Variants in CDH2 observed in about 807,000 individuals in gnomAD.
CDH2 encodes the protein cadherin-2.
Under a neutral mutation model 92.0 loss-of-function variants are expected in CDH2, and 17 were observed. The observed-to-expected ratio is 0.18, with a 90% confidence interval of 0.13 to 0.28. The LOEUF (loss-of-function observed/expected upper bound fraction) is 0.28. CDH2 is among the 10% of genes least tolerant of loss of function. The probability of loss-of-function intolerance (pLI) is 1.00; values close to 1 mark genes in which losing one functional copy is unlikely to be tolerated. For missense variants in CDH2, 862 were observed against 1,133.1 expected (o/e 0.76, Z 3.44); for synonymous variants, 419 against 415.9 (o/e 1.01, Z -0.09).
chr18:28,172,145 A>G (rs1335553704), intron 1 of CDH2, among the ~76,000 whole-genome samples: 1 of 151,956 alleles, frequency 6.6e-6, no homozygotes, highest in African/African-American at 2.4e-5. Context: ...CTGTAAGTAC[A>G]GTTGGAAGCA....
chr18:28,002,856 CA>C, intron 7 of CDH2, 140 bp downstream of exon 7: 1 of 769,256 alleles, frequency 1.3e-6, no homozygotes, highest in East Asian at 2.6e-5. Flanking sequence ...GAAAAATATA[CA>C]ACAGATTACT....
chr18:28,086,236 T>G (rs956905210), intron 2 of CDH2, among the ~76,000 whole-genome samples: 4 of 152,198 alleles, frequency 2.6e-5, no homozygotes, highest in Admixed American at 6.5e-5. Flanking sequence ...TATACTATTT[T>G]ATTATCCTAA....
chr18:28,062,510 T>G (rs2014422884), intron 2 of CDH2, among the ~76,000 whole-genome samples: 1 of 152,204 alleles, frequency 6.6e-6, no homozygotes, highest in South Asian at 2.1e-4. Flanking sequence ...AAAACTATTT[T>G]TATAACAGCC....
At chr18:28,079,111 C>T (rs568602492) in intron 2 of CDH2, among the ~76,000 whole-genome samples, 114 of 152,276 alleles carry the variant, frequency 7.5e-4, no homozygotes, top group African/African-American at 2.6e-3. Flanking sequence ...AATCGTCTAA[C>T]ATTTAGCCAT....
At chr18:28,094,201 T>C (rs914866390) in intron 2 of CDH2, among the ~76,000 whole-genome samples, 5 of 152,146 alleles carry the variant, frequency 3.3e-5, no homozygotes, top group African/African-American at 4.8e-5. Context: ...AAAGAGATGA[T>C]TGTGGCCAGG....
intron 2 of CDH2, among the ~76,000 whole-genome samples, chr18:28,138,912 G>C (rs1371186181): frequency 1.3e-5 from 2 of 152,032 alleles, no homozygotes; most frequent in Non-Finnish European, 2.9e-5. Flanking sequence ...GTAAGAGAGT[G>C]ATCTCCTCCT....
intron 1 of CDH2, among the ~76,000 whole-genome samples, chr18:28,176,386 G>C (rs1385492928): frequency 1.3e-5 from 2 of 152,052 alleles, no homozygotes; most frequent in African/African-American, 4.8e-5. Context: ...AGAATATTGT[G>C]AGGGCAAGAG....
At chr18:28,010,479 A>C (rs568493979) in intron 4 of CDH2, among the ~76,000 whole-genome samples, 1 of 152,162 alleles carries the variant, frequency 6.6e-6, no homozygotes, top group South Asian at 2.1e-4. Context: ...TTATGCTCGC[A>C]AACATTATAT....
intron 1 of CDH2, among the ~76,000 whole-genome samples, chr18:28,161,388 G>A (rs2016304234): frequency 6.6e-6 from 1 of 151,956 alleles, no homozygotes; most frequent in Non-Finnish European, 1.5e-5. Context: ...AGACCAGCCT[G>A]GCCAACACAG....
intron 2 of CDH2, among the ~76,000 whole-genome samples, chr18:28,047,868 C>CAAAAAAAAA (rs149752979): frequency 6.4e-5 from 3 of 46,950 alleles, no homozygotes; most frequent in African/African-American, 9.1e-5. Context: ...GACTCCATCT[C>CAAAAAAAAA]AAAAAAAAAA....
At chr18:28,043,498 A>T (rs1275982888) in intron 2 of CDH2, among the ~76,000 whole-genome samples, 1 of 85,902 alleles carries the variant, frequency 1.2e-5, no homozygotes, top group African/African-American at 3.8e-5. Context: ...ATATATAAAT[A>T]TATATATATA....
chr18:27,998,090 G>A (rs1363550498), intron 7 of CDH2, among the ~76,000 whole-genome samples: 5 of 152,170 alleles, frequency 3.3e-5, no homozygotes, highest in Non-Finnish European at 7.3e-5. Context: ...ACAGGTGTGA[G>A]CCACCACTCC....
At chr18:28,088,136 A>T (rs1292886208) in intron 2 of CDH2, among the ~76,000 whole-genome samples, 1 of 152,242 alleles carries the variant, frequency 6.6e-6, no homozygotes, top group Non-Finnish European at 1.5e-5. Context: ...AATGGGTGAG[A>T]AGCAACTAAT....
chr18:28,123,051 A>C (rs2015618648), intron 2 of CDH2, among the ~76,000 whole-genome samples: 1 of 152,078 alleles, frequency 6.6e-6, no homozygotes, highest in South Asian at 2.1e-4. Context: ...TTTTTATATA[A>C]GAGATCAATT....
chr18:28,056,323 T>C (rs553722012), intron 2 of CDH2, among the ~76,000 whole-genome samples: 2 of 152,256 alleles, frequency 1.3e-5, no homozygotes. Context: ...AAACTAGAAC[T>C]TGGTCCTTTC....
At chr18:28,159,113 T>C (rs1273204546) in intron 1 of CDH2, 1 of 152,224 alleles carries the variant, frequency 6.6e-6, no homozygotes, top group Non-Finnish European at 1.5e-5. Context: ...GTTTGTAAAG[T>C]GTTATGTTAA....
chr18:27,992,187 T>C (rs1358155302), intron 9 of CDH2, among the ~76,000 whole-genome samples: 4 of 152,200 alleles, frequency 2.6e-5, no homozygotes, highest in South Asian at 2.1e-4. Context: ...AATATTCTAA[T>C]AGCTGTAGAC....
Position 28,029,679 on chromosome 18 carries a change from T to C in CDH2, c.173-15770A>G, listed in dbSNP as rs376304194. ...CCAAAGTGAACAGGATTAATTGCCATACACTGTAACAGGATGGCCATCTCA... is the reference window on the plus strand; with the variant it reads ...CCAAAGTGAACAGGATTAATTGCCACACACTGTAACAGGATGGCCATCTCA... On this transcript the variant is annotated intron_variant, in intron 2 of 15. Coordinates refer to ENST00000269141, the MANE Select transcript of CDH2 (RefSeq NM_001792.5). Among the ~76,000 whole-genome samples, 10 of 152,252 alleles carry C rather than the reference T, an allele frequency of 6.6e-5. No homozygotes were observed. The East Asian group carries it at 1.5e-3, about 24-fold the overall frequency.
chr18:28,060,553 A>G (rs2014383016), intron 2 of CDH2, among the ~76,000 whole-genome samples: 1 of 152,144 alleles, frequency 6.6e-6, no homozygotes. Flanking sequence ...TAGTTACCCT[A>G]AAGTACAGTC....
Sources: allele counts gnomAD v4.1 joint callset (sites outside exome capture counted in the v4.1 genomes callset), GRCh38; gene constraint gnomAD v4.1.1; transcripts MANE v1.5; gene names NCBI Gene and HGNC (gene_info 2026-07-23, HGNC 2026-07-21).